Variants in PIGS observed in about 807,000 individuals in gnomAD.
PIGS encodes phosphatidylinositol glycan anchor biosynthesis class S.
A neutral mutation model predicts 58.2 loss-of-function variants in PIGS; 37 were observed. That is an observed-to-expected ratio of 0.64 (90% CI 0.49 to 0.84). The LOEUF (loss-of-function observed/expected upper bound fraction) is 0.84. Ranked by LOEUF, PIGS falls within the 40% of genes least tolerant of loss-of-function variation. The probability of loss-of-function intolerance (pLI) is 0.00; values close to 1 mark genes in which losing one functional copy is unlikely to be tolerated. For missense variants in PIGS, 629 were observed against 710.8 expected (o/e 0.88, Z 1.31); for synonymous variants, 269 against 289.2 (o/e 0.93, Z 0.71).
Position 28,556,846 on chromosome 17 carries a change from G to A in PIGS, c.1061C>T (p.Pro354Leu). 1 of 1,614,022 alleles carries A rather than the reference G, an allele frequency of 6.2e-7. No homozygotes were observed. Among genetic ancestry groups the A allele is most frequent in the South Asian group, 1.1e-5 (1 of 91,064 alleles). The change falls in exon 9 of 12, where the codon CCC becomes CTC. Residue 354 changes from proline to leucine, a missense_variant. Physicochemically the swap from Pro to Leu is moderately conservative, Grantham distance 98. Transcript: ENST00000308360. ...TATTACCATAATGCCACCCCAGCGG[G>A]GACTATGGAAGGCATTGGTGGCCAC... is the stretch of plus-strand genomic sequence containing the variant. ...APVATNAFHS[P>L]RWGGIMVYNV...
chr17:28,569,587 C>T (rs182923786), intron 3 of PIGS, among the ~76,000 whole-genome samples: 88 of 152,226 alleles, frequency 5.8e-4, no homozygotes, highest in Non-Finnish European at 1.0e-3. Context: ...TCCAGTCATT[C>T]CCAGTCTTTC....
At chr17:28,557,128 C>T (rs941092467) in intron 8 of PIGS, 156 bp from the exon 9 acceptor site, 2 of 756,176 alleles carry the variant, frequency 2.6e-6, no homozygotes, top group African/African-American at 3.6e-5. Flanking sequence ...TAGTAAAGGG[C>T]TTCAGAATGT....
intron 7 of PIGS, 31 bp downstream of exon 7, chr17:28,560,015 TGAA>T: frequency 6.3e-7 from 1 of 1,578,672 alleles, no homozygotes; most frequent in Non-Finnish European, 8.6e-7. Flanking sequence ...GTATAGACAT[TGAA>T]AAGGACTCCT....
rs763075402 is a variant in PIGS at position 28,554,257 on chromosome 17, G to C, written c.1631C>G (p.Thr544Ser). The change falls in exon 12 of 12, where the codon ACC (threonine) becomes AGC (serine). Residue 544 changes from threonine to serine, a missense_variant. Physicochemically the swap from Thr to Ser is moderately conservative, Grantham distance 58 (BLOSUM62 1). Transcript: ENST00000308360. ...LLSLVKIFLE[T>S]RKSWRKPEKT... ...CTCAGGCTTTCTCCAGGACTTGCGG[G>C]TCTCCAGGAAGATCTTGACCAGGGA... 6.2e-6 allele frequency: 10 copies of C among 1,614,182 alleles called. No individual in the cohort carries two copies. The Middle Eastern group carries it at 5.0e-4, about 80-fold the overall frequency.
intron 3 of PIGS, among the ~76,000 whole-genome samples, chr17:28,567,943 G>C (rs868102677): frequency 6.6e-6 from 1 of 152,040 alleles, no homozygotes; most frequent in East Asian, 1.9e-4. Flanking sequence ...CTATTCCCTC[G>C]CCTTTTAGGT....
intron 10 of PIGS, chr17:28,555,834 G>A: frequency 4.6e-6 from 1 of 218,522 alleles, no homozygotes; most frequent in Admixed American, 5.3e-5. Context: ...GCCAGTTGTG[G>A]TGGCGGGCAC....
chr17:28,561,408 G>T lies in PIGS; in HGVS notation c.676+14C>A. ...ATTTCCTCTCCCTTCATGTGGCAGA[G>T]CCTGGTGCCCTACCCAAGCTGGACT... On this transcript the variant is annotated intron_variant, in intron 6 of 11. Coordinates refer to ENST00000308360, the MANE Select transcript of PIGS (RefSeq NM_033198.4). The T allele has an allele frequency of 6.2e-7, 1 of 1,613,600 alleles. No individual in the cohort carries two copies. Among genetic ancestry groups the T allele is most frequent in the Non-Finnish European group, 8.5e-7 (1 of 1,179,740 alleles).
chr17:28,571,236 C>A (rs1314501824), intron 1 of PIGS, 48 bp from the exon 2 acceptor site: 2 of 1,586,716 alleles, frequency 1.3e-6, no homozygotes, highest in Non-Finnish European at 1.7e-6. Context: ...GGCTAGGGTA[C>A]CGGCCCCATC....
Position 28,556,214 on chromosome 17 carries a change from ACT to A in PIGS, c.1131_1132del (p.Arg377SerfsTer39), listed in dbSNP as rs2070326770. 2 of 1,613,742 alleles carry A rather than the reference ACT, an allele frequency of 1.2e-6. No homozygotes were observed. The highest frequency in any genetic ancestry group is 1.7e-6 in the Non-Finnish European group (2 of 1,179,918). On this transcript the variant is annotated frameshift_variant, in exon 10 of 12. Coordinates refer to ENST00000308360, the MANE Select transcript of PIGS (RefSeq NM_033198.4). LOFTEE classifies it high-confidence loss of function. ...CATCACTCGCACCATGTCCACCTCG[ACT>A]CTCACTGGCAGCACTGAGGCATTAT...
In PIGS at chr17:28,570,934, C is replaced by T; in HGVS notation, c.204G>A (p.Val68=). The part of the protein sequence containing the change: ...QLRLMVPVTV[V]FTRESVPLDD... ...CCAGGGGCACTGACTCCCGCGTAAA[C>T]ACGACAGTGACAGGCACCATGAGGC... is the stretch of plus-strand genomic sequence containing the variant. Residue 68 remains valine (V), a synonymous_variant, in exon 3 of 12, where the codon GTG becomes GTA. Transcript: ENST00000308360. The T allele has an allele frequency of 5.6e-6, 9 of 1,614,214 alleles. No homozygotes were observed. The highest frequency in any genetic ancestry group is 7.6e-6 in the Non-Finnish European group (9 of 1,180,036).
rs1276036519 is a variant in PIGS at position 28,571,073 on chromosome 17, C to G, written c.150G>C (p.Gln50His). The G allele has an allele frequency of 1.9e-6, 3 of 1,614,178 alleles. No individual in the cohort carries two copies. The highest frequency in any genetic ancestry group is 3.3e-5 in the Admixed American group (2 of 60,032). The change falls in exon 2 of 12, where the codon CAG becomes CAC. Residue 50 changes from glutamine (Q) to histidine (H), a missense_variant. By Grantham distance (24) the Gln-to-His change is conservative. Coordinates refer to ENST00000308360, the MANE Select transcript of PIGS (RefSeq NM_033198.4). ...CCTGAAGGGCATTCAGGCCACTGAT[C>G]TGGGAGTAAGGCAACGAGGCCCGGT... ...ETYRASLPYS[Q>H]ISGLNALQLR... is the part of the protein sequence containing the mutation.
At chr17:28,561,275 A>AAAT (rs200560696) in intron 6 of PIGS, 147 bp downstream of exon 6, 16 of 491,354 alleles carry the variant, frequency 3.3e-5, no homozygotes, top group Admixed American at 1.4e-4. Flanking sequence ...TAACTAAAAA[A>AAAT]AATAATAATA....
In PIGS at chr17:28,556,139, C is replaced by T. The variant is rs762315489; in HGVS notation, c.1181+27G>A. 15 of 1,577,312 alleles carry T rather than the reference C, an allele frequency of 9.5e-6. No homozygotes were observed. In the South Asian group the frequency reaches 1.4e-4, roughly 15 times the overall value. On this transcript the variant is annotated intron_variant, in intron 10 of 11. Transcript: ENST00000308360. Reference sequence around the variant, plus strand: ...CCCTCTACAGCCAAGGAGACTATGTCCCCAAGTGGATCATCCAGGACCTCA... The same window carrying T: ...CCCTCTACAGCCAAGGAGACTATGTTCCCAAGTGGATCATCCAGGACCTCA...
rs1036123281 is a variant in PIGS at position 28,569,780 on chromosome 17, C to A, written c.286+1072G>T. Among the ~76,000 whole-genome samples, 8 of 152,230 alleles carry A rather than the reference C, an allele frequency of 5.3e-5. No homozygotes were observed. In the East Asian group the frequency reaches 1.5e-3, roughly 29 times the overall value. ...TGTGTGACCTTGCACAAGTTAAATTCTCTAAGGCTCAGTTTCTTCATTTAT... is the reference window on the plus strand; with the variant it reads ...TGTGTGACCTTGCACAAGTTAAATTATCTAAGGCTCAGTTTCTTCATTTAT... On this transcript the variant is annotated intron_variant, in intron 3 of 11. Coordinates refer to ENST00000308360, the MANE Select transcript of PIGS (RefSeq NM_033198.4).
intron 6 of PIGS, 83 bp downstream of exon 6, chr17:28,561,339 G>A: frequency 1.6e-6 from 2 of 1,268,632 alleles, no homozygotes; most frequent in Non-Finnish European, 1.1e-6. Context: ...GAAGAAAGGA[G>A]AAAGAAGTTG....
At position 28,558,546 on chromosome 17, in the gene PIGS, T is replaced by C. The variant is rs1243873134; in HGVS notation, c.864A>G (p.Ser288=). The change falls in exon 8 of 12, where the codon TCA becomes TCG. Residue 288 remains serine (S), a synonymous_variant. Coordinates refer to ENST00000308360, the MANE Select transcript of PIGS (RefSeq NM_033198.4). The part of the protein sequence containing the change: ...AMLGVNPRFD[S]ASSSYYLDMH... ...TGTCCAAATAGTAGCTGGAGGAAGC[T>C]GAGTCAAAGCGGGGATTCACCCCCA... 7 of 1,613,034 alleles carry C rather than the reference T, an allele frequency of 4.3e-6. No homozygotes were observed. Among genetic ancestry groups the C allele is most frequent in the Middle Eastern group, 1.6e-4 (1 of 6,082 alleles).
chr17:28,563,646 G>A (rs2070378264), intron 4 of PIGS, 124 bp from the exon 5 acceptor site: 1 of 1,204,818 alleles, frequency 8.3e-7, no homozygotes, highest in Non-Finnish European at 1.2e-6. Flanking sequence ...GCTTGGGTAA[G>A]CCAATCAACC....
chr17:28,568,366 G>C (rs1489098726), intron 3 of PIGS, among the ~76,000 whole-genome samples: 2 of 152,106 alleles, frequency 1.3e-5, no homozygotes, highest in African/African-American at 4.8e-5. Context: ...GCCTCCCAAA[G>C]TGCTGGGATT....
chr17:28,569,389 C>T (rs937159010), intron 3 of PIGS, among the ~76,000 whole-genome samples: 1 of 150,036 alleles, frequency 6.7e-6, no homozygotes, highest in Non-Finnish European at 1.5e-5. Context: ...ATGGGAGGAT[C>T]GCTTGAGCCC....
Sources: allele counts gnomAD v4.1 joint callset (sites outside exome capture counted in the v4.1 genomes callset), GRCh38; gene constraint gnomAD v4.1.1; transcripts MANE v1.5; gene names NCBI Gene and HGNC (gene_info 2026-07-23, HGNC 2026-07-21).